The following SFSWAP variants were observed in gnomAD, a reference collection of about 807,000 sequenced individuals.
SFSWAP encodes splicing factor SWAP, also known as splicing factor, suppressor of white-apricot homolog.
A neutral mutation model predicts 100.7 loss-of-function variants in SFSWAP; 17 were observed. The observed-to-expected ratio is 0.17, with a 90% CI of 0.12 to 0.25. The LOEUF (loss-of-function observed/expected upper bound fraction) is 0.25. Ranked by LOEUF, SFSWAP falls within the 10% of genes least tolerant of loss-of-function variation. The pLI, the probability that SFSWAP is intolerant of heterozygous loss-of-function variation, is 1.00. For missense variants in SFSWAP, 1,005 were observed against 1,262.6 expected (o/e 0.80, Z 3.09); for synonymous variants, 504 against 510.1 (o/e 0.99, Z 0.16).
At chr12:131,789,353 C>G (rs1885098212) in intron 15 of SFSWAP, among the ~76,000 whole-genome samples, 1 of 152,106 alleles carries the variant, frequency 6.6e-6, no homozygotes, top group South Asian at 2.1e-4. Context: ...AACTTATAGG[C>G]AAGTTTTTAA....
Position 131,714,930 on chromosome 12 carries a change from A to T in SFSWAP, c.497A>T (p.Glu166Val). The change falls in exon 3 of 18, where the codon GAG becomes GTG. Residue 166 changes from glutamate to valine, a missense_variant. By Grantham distance (121) the Glu-to-Val change is moderately radical. Around this residue, in one of 7 missense-constraint regions of SFSWAP, gnomAD observed 237 missense variants for 337.0 expected, o/e 0.70. Coordinates refer to ENST00000261674, the MANE Select transcript of SFSWAP (RefSeq NM_004592.4). This position sits in a 1 kb window ranked among gnomAD's most constrained non-coding sequence, Gnocchi z 6.0. ...DYYDPSEPTE[E>V]EEPSKQREKN... ...TACGACCCGTCAGAGCCGACGGAGGAGGAGGAGCCTTCCAAACAGAGAGGT... is the reference window on the plus strand; with the variant it reads ...TACGACCCGTCAGAGCCGACGGAGGTGGAGGAGCCTTCCAAACAGAGAGGT... 1 of 1,614,042 alleles carries T rather than the reference A, an allele frequency of 6.2e-7. No individual in the cohort carries two copies. Among genetic ancestry groups the T allele is most frequent in the Non-Finnish European group, 8.5e-7 (1 of 1,180,004 alleles).
chr12:131,736,087 C>T (rs1274512153), intron 7 of SFSWAP, among the ~76,000 whole-genome samples: 2 of 152,178 alleles, frequency 1.3e-5, no homozygotes, highest in Non-Finnish European at 2.9e-5. Context: ...GGAGCTTCTG[C>T]AGTGTTTCAA....
intron 15 of SFSWAP, among the ~76,000 whole-genome samples, chr12:131,787,041 C>T (rs1251690240): frequency 1.3e-5 from 2 of 152,178 alleles, no homozygotes; most frequent in Admixed American, 1.3e-4. Context: ...CCAGGAGAGG[C>T]CACAGAGTCC....
chr12:131,799,224 C>T (rs760136493), intron 17 of SFSWAP, 115 bp downstream of exon 17: 13 of 1,048,984 alleles, frequency 1.2e-5, no homozygotes, highest in South Asian at 1.1e-4. Context: ...ACAGGGATCT[C>T]GGGCAAAATA....
chr12:131,778,901 G>A lies in SFSWAP; in HGVS notation c.2408+571G>A, dbSNP rs1033172544. On this transcript the variant is annotated intron_variant, in intron 14 of 17. Transcript: ENST00000261674. The surrounding 1 kb of genome is among the most constrained non-coding windows in gnomAD (Gnocchi z 4.2). ...AAATTCTAATGGTTCCTGGAAGCAAGCCTACCACATTTGCCGATTGTGTGA... is the reference window on the plus strand; with the variant it reads ...AAATTCTAATGGTTCCTGGAAGCAAACCTACCACATTTGCCGATTGTGTGA... Among the ~76,000 whole-genome samples, 4 of 152,004 alleles carry A rather than the reference G, an allele frequency of 2.6e-5. No individual in the cohort carries two copies. The East Asian group carries it at 7.8e-4, about 30-fold the overall frequency.
In SFSWAP at chr12:131,753,353, A is replaced by G; in HGVS notation, c.1312A>G (p.Thr438Ala). The G allele has an allele frequency of 6.2e-7, 1 of 1,612,594 alleles. No individual in the cohort carries two copies. The highest frequency in any genetic ancestry group is 1.3e-5 in the African/African-American group (1 of 74,914). The change falls in exon 8 of 18, where the codon ACC becomes GCC. Residue 438 changes from threonine (T) to alanine (A), a missense_variant. By Grantham distance (58) the Thr-to-Ala change is moderately conservative (BLOSUM62 0). Coordinates refer to ENST00000261674, the MANE Select transcript of SFSWAP (RefSeq NM_004592.4). ...ETSSGATSTTTTTSALAPVAA... is the reference protein window; with the variant it reads ...ETSSGATSTTATTSALAPVAA... Reference sequence around the variant, plus strand: ...TAGCAGCGGGGCCACCTCCACAACCACCACCACAAGGTAGGTGCAGCGTCC... The same window carrying G: ...TAGCAGCGGGGCCACCTCCACAACCGCCACCACAAGGTAGGTGCAGCGTCC...
At chr12:131,788,119 G>A (rs1432937536) in intron 15 of SFSWAP, among the ~76,000 whole-genome samples, 3 of 152,326 alleles carry the variant, frequency 2.0e-5, no homozygotes, top group East Asian at 1.9e-4. Flanking sequence ...AATTAATTCC[G>A]TCTCAACAGA....
chr12:131,734,919 A>T lies in SFSWAP; in HGVS notation c.1081+6491A>T, dbSNP rs537156271. Among the ~76,000 whole-genome samples, 46 of 107,978 alleles carry T rather than the reference A, an allele frequency of 4.3e-4. No homozygotes were observed. In the Middle Eastern group the frequency reaches 0.012, roughly 28 times the overall value. The allele number at this position is 107,978 out of a possible 152,430, so 70.8% of individuals were successfully genotyped here. The stretch of plus-strand genomic sequence containing the variant: ...ATGGCGCATGGGGGTGGGGTGGGGC[A>T]GTGAGGGGGGGCCCGCTCCGAGAGA... On this transcript the variant is annotated intron_variant, in intron 7 of 17. Transcript: ENST00000261674. The surrounding 1 kb of genome is among the most constrained non-coding windows in gnomAD (Gnocchi z 4.9).
Position 131,728,403 on chromosome 12 carries a change from C to T in SFSWAP, c.1056C>T (p.Pro352=), listed in dbSNP as rs541335391. 1.1e-5 allele frequency: 18 copies of T among 1,614,262 alleles called. No homozygotes were observed. In the Admixed American group the frequency reaches 1.2e-4, roughly 10 times the overall value. ...PHNADGAPVQ[P]SQVEYTADST... is the part of the protein sequence containing the mutation. ...ACGCAGACGGTGCGCCTGTGCAGCC[C>T]TCCCAGGTGGAGTACACGGCAGACT... The change falls in exon 7 of 18, where the codon CCC becomes CCT. Residue 352 remains proline, a synonymous_variant. Transcript: ENST00000261674.
intron 13 of SFSWAP, among the ~76,000 whole-genome samples, chr12:131,767,461 G>A (rs1883205818): frequency 6.6e-6 from 1 of 152,190 alleles, no homozygotes; most frequent in Non-Finnish European, 1.5e-5. Context: ...AAAAATAATA[G>A]AGTAGGACAC....
At chr12:131,728,752 G>A (rs1274459313) in intron 7 of SFSWAP, among the ~76,000 whole-genome samples, 1 of 150,566 alleles carries the variant, frequency 6.6e-6, no homozygotes, top group East Asian at 2.0e-4. Flanking sequence ...CCAGGCCAGA[G>A]TGCAGGGATG....
rs1879765322 is a variant in SFSWAP, at chr12:131,734,038, G to C, written c.1081+5610G>C. On this transcript the variant is annotated intron_variant, in intron 7 of 17. Transcript: ENST00000261674. The surrounding 1 kb of genome is among the most constrained non-coding windows in gnomAD (Gnocchi z 4.9). Reference sequence around the variant, plus strand: ...ACCATCATTTGGGAACTATTCTTCTGTCCTAGGTGAGTGCCCACCCTGTGG... The same window carrying C: ...ACCATCATTTGGGAACTATTCTTCTCTCCTAGGTGAGTGCCCACCCTGTGG... 6.6e-6 allele frequency among the ~76,000 whole-genome samples: 1 copy of C among 152,248 alleles called. No homozygotes were observed. Among genetic ancestry groups the C allele is most frequent in the African/African-American group, 2.4e-5 (1 of 41,476 alleles).
At chr12:131,787,597 A>G (rs750887374) in intron 15 of SFSWAP, among the ~76,000 whole-genome samples, 12 of 152,212 alleles carry the variant, frequency 7.9e-5, no homozygotes, top group African/African-American at 1.4e-4. Flanking sequence ...CTTGAGCTTC[A>G]TAACACGGCA....
intron 7 of SFSWAP, among the ~76,000 whole-genome samples, chr12:131,743,592 C>T (rs576069987): frequency 2.6e-5 from 4 of 152,358 alleles, no homozygotes; most frequent in African/African-American, 9.6e-5. Flanking sequence ...ACCTCCCTCC[C>T]GGCTGCTTTC....
chr12:131,765,018 C>G (rs1054092547), intron 12 of SFSWAP, among the ~76,000 whole-genome samples: 15 of 152,220 alleles, frequency 9.9e-5, no homozygotes, highest in South Asian at 2.1e-4. Context: ...AAAGGCTCAG[C>G]CTGTCTTCCC....
chr12:131,787,581 C>A (rs1003036874), intron 15 of SFSWAP, among the ~76,000 whole-genome samples: 12 of 152,202 alleles, frequency 7.9e-5, no homozygotes, highest in Non-Finnish European at 1.2e-4. Context: ...CATTGCACAT[C>A]GTAGCCTTGA....
intron 1 of SFSWAP, chr12:131,712,731 A>C (rs1016544030): frequency 6.6e-6 from 1 of 152,236 alleles, no homozygotes; most frequent in Non-Finnish European, 1.5e-5. Flanking sequence ...GCTGTGCTCA[A>C]GCGTGCTGTG....
At chr12:131,739,921 G>A (rs1212876690) in intron 7 of SFSWAP, among the ~76,000 whole-genome samples, 1 of 151,986 alleles carries the variant, frequency 6.6e-6, no homozygotes, top group African/African-American at 2.4e-5. Flanking sequence ...TTATTTATTC[G>A]ATTCATCTTT....
chr12:131,731,269 G>A (rs1041716877), intron 7 of SFSWAP, among the ~76,000 whole-genome samples: 3 of 152,208 alleles, frequency 2.0e-5, no homozygotes, highest in Admixed American at 1.3e-4. Flanking sequence ...CGGGCAGTGC[G>A]GCCATTCCAG....
Sources: allele counts gnomAD v4.1 joint callset (sites outside exome capture counted in the v4.1 genomes callset), GRCh38; gene constraint gnomAD v4.1.1; regional missense constraint gnomAD v4.1.1; non-coding constraint Gnocchi (gnomAD v3.1); transcripts MANE v1.5; gene names NCBI Gene and HGNC (gene_info 2026-07-23, HGNC 2026-07-21).